The following RIPK4 variants were observed in gnomAD, a reference collection of about 807,000 sequenced individuals.
RIPK4 encodes receptor-interacting serine/threonine-protein kinase 4.
A neutral mutation model predicts 42.9 loss-of-function variants in RIPK4; 17 were observed. The ratio of observed to expected loss-of-function variants is 0.40; its 90% CI spans 0.27 to 0.59. The LOEUF is 0.59. RIPK4 is among the 20% of genes least tolerant of loss of function. RIPK4 has a pLI of 0.47. For synonymous variants in RIPK4, 498 were observed against 499.1 expected (o/e 1.00, Z 0.03); for missense variants, 897 against 1,104.4 (o/e 0.81, Z 2.66).
chr21:41,744,144 C>A lies in RIPK4; in HGVS notation c.937-4G>T. On this transcript the variant is annotated splice_region_variant and splice_polypyrimidine_tract_variant and intron_variant, in intron 6 of 7. Transcript: ENST00000332512. ...GCTTGAGCCTCGCAGGCACCACCTG[C>A]GAAGATGCAGAAGAGGGGGTGGGTG... 2 of 1,578,124 alleles carry A rather than the reference C, an allele frequency of 1.3e-6. No individual in the cohort carries two copies. Among genetic ancestry groups the A allele is most frequent in the South Asian group, 1.1e-5 (1 of 87,534 alleles).
chr21:41,755,493 A>G lies in RIPK4; in HGVS notation c.474+1032T>C, dbSNP rs2061200631. On this transcript the variant is annotated intron_variant, in intron 2 of 7. Transcript: ENST00000332512. This position sits in a 1 kb window ranked among gnomAD's most constrained non-coding sequence, Gnocchi z 4.2. Reference sequence around the variant, plus strand: ...CCGTCCCACCCAAGAGCTCAGGGGCAGGGCCGGGCCCTGAATTCAGGTCTC... The same window carrying G: ...CCGTCCCACCCAAGAGCTCAGGGGCGGGGCCGGGCCCTGAATTCAGGTCTC... Among the ~76,000 whole-genome samples the G allele has an allele frequency of 6.6e-6, 1 of 152,182 alleles. No homozygotes were observed.
At chr21:41,764,387 G>C (rs367795620) in intron 1 of RIPK4, among the ~76,000 whole-genome samples, 1 of 152,156 alleles carries the variant, frequency 6.6e-6, no homozygotes, top group Non-Finnish European at 1.5e-5. Flanking sequence ...TATGTAACAA[G>C]TGGACTAGAC....
rs35668219 is a variant in RIPK4 at position 41,742,627 on chromosome 21, G to T, written c.1196-630C>A. On this transcript the variant is annotated intron_variant, in intron 7 of 7. Coordinates refer to ENST00000332512, the MANE Select transcript of RIPK4 (RefSeq NM_020639.3). The surrounding 1 kb of genome is among the most constrained non-coding windows in gnomAD (Gnocchi z 5.1). ...AAAATCCTACCGTAGTGCCTGGAAT[G>T]CTGAAACCCTGCAACGAGACTCTCC... is the stretch of plus-strand genomic sequence containing the variant. 0.026 allele frequency among the ~76,000 whole-genome samples: 4,035 copies of T among 152,318 alleles called. 64 individuals carry two copies. The highest frequency in any genetic ancestry group is 0.065 in the Middle Eastern group (19 of 294).
In RIPK4 at chr21:41,751,100, T is replaced by G; in HGVS notation, c.620A>C (p.Tyr207Ser). 1 of 1,613,894 alleles carries G rather than the reference T, an allele frequency of 6.2e-7. No individual in the cohort carries two copies. The highest frequency in any genetic ancestry group is 8.5e-7 in the Non-Finnish European group (1 of 1,179,946). ...TGGGGGGCGGCATGTCACACACCTGTATACATCGTGCTTGGTGTCGAAGAG... is the reference window on the plus strand; with the variant it reads ...TGGGGGGCGGCATGTCACACACCTGGATACATCGTGCTTGGTGTCGAAGAG... ...SRLFDTKHDV[Y>S]SFAIVIWGVL... The change falls in exon 3 of 8, where the codon TAC (tyrosine) becomes TCC (serine). Residue 207 changes from tyrosine to serine, a missense_variant. Transcript: ENST00000332512. The surrounding 1 kb of genome is among the most constrained non-coding windows in gnomAD (Gnocchi z 4.5).
At chr21:41,763,496 C>T (rs28502770) in intron 1 of RIPK4, among the ~76,000 whole-genome samples, 2,038 of 152,186 alleles carry the variant, frequency 0.013, 38 homozygotes, top group African/African-American at 0.047. Context: ...AAGCAATAAA[C>T]GAAGGGAAAA....
rs1214807536 is a variant in RIPK4, at chr21:41,739,796, A to G, written c.*1042T>C. Reference sequence around the variant, plus strand: ...AAAGCAGGTCAGAAACACTCCCCCCATACCCCAAAACACTATCCCTATCCC... The same window carrying G: ...AAAGCAGGTCAGAAACACTCCCCCCGTACCCCAAAACACTATCCCTATCCC... On this transcript the variant is annotated 3_prime_UTR_variant, in exon 8 of 8. Coordinates refer to ENST00000332512, the MANE Select transcript of RIPK4 (RefSeq NM_020639.3). 1 of 152,264 alleles carries G rather than the reference A, an allele frequency of 6.6e-6. No homozygotes were observed. Among genetic ancestry groups the G allele is most frequent in the Non-Finnish European group, 1.5e-5 (1 of 68,088 alleles). The allele number at this position is 152,264 out of a possible 1,614,324, so 9.4% of individuals were successfully genotyped here. A position where few individuals can be genotyped will look rare whatever the true frequency, so the allele number is the denominator to read the frequency against.
At chr21:41,757,497 G>A (rs2061207306) in intron 1 of RIPK4, among the ~76,000 whole-genome samples, 1 of 151,132 alleles carries the variant, frequency 6.6e-6, no homozygotes, top group African/African-American at 2.4e-5. Context: ...ACTCCAGCCT[G>A]GGCAACAAAG....
intron 1 of RIPK4, among the ~76,000 whole-genome samples, chr21:41,764,701 C>T (rs1463833133): frequency 3.9e-5 from 6 of 152,178 alleles, no homozygotes; most frequent in Non-Finnish European, 8.8e-5. Context: ...TCCTGGAGCA[C>T]AGTGGGACTG....
In RIPK4 at chr21:41,766,891, T is replaced by G; in HGVS notation, c.151A>C (p.Lys51Gln). The G allele has an allele frequency of 6.2e-7, 1 of 1,610,166 alleles. No individual in the cohort carries two copies. Among genetic ancestry groups the G allele is most frequent in the Non-Finnish European group, 8.5e-7 (1 of 1,178,690 alleles). ...HVHWKTWLAI[K>Q]CSPSLHVDDR... ...TCGACGTGCAGGCTGGGCGAGCACT[T>G]GATGGCCAGCCAGGTCTTCCAGTGG... Residue 51 changes from lysine to glutamine, a missense_variant, in exon 1 of 8, where the codon AAG (lysine) becomes CAG (glutamine). Transcript: ENST00000332512.
At position 41,742,332 on chromosome 21, in the gene RIPK4, G is replaced by C. The variant is rs1323963449; in HGVS notation, c.1196-335C>G. On this transcript the variant is annotated intron_variant, in intron 7 of 7. Coordinates refer to ENST00000332512, the MANE Select transcript of RIPK4 (RefSeq NM_020639.3). The surrounding 1 kb of genome is among the most constrained non-coding windows in gnomAD (Gnocchi z 5.1). ...CCTTCATTAAAGAAAGAAGGAAAAA[G>C]GGCACAGACTAAAAAGACCAGGCCA... Among the ~76,000 whole-genome samples, 2 of 152,188 alleles carry C rather than the reference G, an allele frequency of 1.3e-5. No homozygotes were observed. Among genetic ancestry groups the C allele is most frequent in the Non-Finnish European group, 2.9e-5 (2 of 68,026 alleles).
chr21:41,766,771 G>T, intron 1 of RIPK4, 89 bp downstream of exon 1: 1 of 1,373,112 alleles, frequency 7.3e-7, no homozygotes, highest in Non-Finnish European at 9.9e-7. Flanking sequence ...GAGTTCGGGA[G>T]AGAGAGGCAG....
At chr21:41,758,441 G>A (rs1033013976) in intron 1 of RIPK4, among the ~76,000 whole-genome samples, 1 of 152,160 alleles carries the variant, frequency 6.6e-6, no homozygotes, top group Non-Finnish European at 1.5e-5. Flanking sequence ...AATGTACTGC[G>A]TTTTGTTCAT....
chr21:41,755,212 C>T lies in RIPK4; in HGVS notation c.474+1313G>A, dbSNP rs773816246. On this transcript the variant is annotated intron_variant, in intron 2 of 7. Transcript: ENST00000332512. This position sits in a 1 kb window ranked among gnomAD's most constrained non-coding sequence, Gnocchi z 4.2. Reference sequence around the variant, plus strand: ...AGATGCGGGAAACCACCAGAGAGCCCGTTCAAGCCAAGTCATTTGATTTTT... The same window carrying T: ...AGATGCGGGAAACCACCAGAGAGCCTGTTCAAGCCAAGTCATTTGATTTTT... Among the ~76,000 whole-genome samples the T allele has an allele frequency of 3.9e-5, 6 of 152,256 alleles. No homozygotes were observed. In the East Asian group the frequency reaches 7.7e-4, roughly 20 times the overall value.
chr21:41,758,454 G>T (rs2061211627), intron 1 of RIPK4, among the ~76,000 whole-genome samples: 1 of 152,174 alleles, frequency 6.6e-6, no homozygotes. Flanking sequence ...TTGTTCATCT[G>T]TTCGTGGGTG....
In RIPK4 at chr21:41,755,445, G is replaced by A. The variant is rs992240455; in HGVS notation, c.474+1080C>T. ...GTCTGGGCACAGGGAGCGGCCGTGC[G>A]CATGCCATACGAGCCACCGCTCCCG... is the stretch of plus-strand genomic sequence containing the variant. On this transcript the variant is annotated intron_variant, in intron 2 of 7. Coordinates refer to ENST00000332512, the MANE Select transcript of RIPK4 (RefSeq NM_020639.3). This position sits in a 1 kb window ranked among gnomAD's most constrained non-coding sequence, Gnocchi z 4.2. Among the ~76,000 whole-genome samples the A allele has an allele frequency of 4.6e-5, 7 of 152,190 alleles. No individual in the cohort carries two copies. The highest frequency in any genetic ancestry group is 5.9e-5 in the Non-Finnish European group (4 of 68,028).
intron 1 of RIPK4, among the ~76,000 whole-genome samples, chr21:41,759,556 A>T (rs1601683911): frequency 6.6e-6 from 1 of 152,136 alleles, no homozygotes; most frequent in African/African-American, 2.4e-5. Flanking sequence ...CCCAGAATCC[A>T]GCGTCCAGCC....
rs1461738632 is a variant in RIPK4, at chr21:41,741,948, C to A, written c.1245G>T (p.Val415=). Residue 415 remains valine (V), a synonymous_variant, in exon 8 of 8, where the codon GTG becomes GTT. Transcript: ENST00000332512. ...TCATCAGTTTGCTGGTGTCCCCGGA[C>A]ACGATGGCATCCACAAGCTTCTTCT... The part of the protein sequence containing the change: ...VQKKKLVDAI[V]SGDTSKLMKI... 6.2e-7 allele frequency: 1 copy of A among 1,609,236 alleles called. No individual in the cohort carries two copies. The highest frequency in any genetic ancestry group is 1.7e-5 in the Admixed American group (1 of 59,858).
intron 1 of RIPK4, among the ~76,000 whole-genome samples, chr21:41,758,021 A>AAATAT (rs1555910478): frequency 1.4e-4 from 7 of 51,360 alleles, no homozygotes; most frequent in African/African-American, 1.1e-4. Flanking sequence ...AAAAAAAAAA[A>AAATAT]ATATATATAT....
rs552923554 is a variant in RIPK4 at position 41,747,244 on chromosome 21, C to T, written c.674-473G>A. Among the ~76,000 whole-genome samples the T allele has an allele frequency of 4.7e-3, 714 of 152,326 alleles. 4 individuals carry two copies. Among genetic ancestry groups the T allele is most frequent in the Non-Finnish European group, 8.3e-3 (568 of 68,024 alleles). ...GTCTTCCTCAGTTCCAACTCCAATC[C>T]CAAGCTCAGGTCCCCAGCTGGCCTC... On this transcript the variant is annotated intron_variant, in intron 4 of 7. Transcript: ENST00000332512.
Sources: allele counts gnomAD v4.1 joint callset (sites outside exome capture counted in the v4.1 genomes callset), GRCh38; gene constraint gnomAD v4.1.1; non-coding constraint Gnocchi (gnomAD v3.1); transcripts MANE v1.5; gene names NCBI Gene and HGNC (gene_info 2026-07-23, HGNC 2026-07-21).